The following ADGRL2 variants were observed in gnomAD, a reference collection of about 807,000 sequenced individuals.
ADGRL2 encodes calcium-independent alpha-latrotoxin receptor 2.
In ADGRL2, 44 loss-of-function variants were observed where a neutral mutation model predicts 157.4. The ratio of observed to expected loss-of-function variants is 0.28; its 90% CI spans 0.22 to 0.36. The LOEUF is 0.36. Among genes scored for constraint, ADGRL2 ranks in the 10% least tolerant of loss-of-function variants. ADGRL2 has a pLI of 1.00. For missense variants in ADGRL2, 1,510 were observed against 1,768.9 expected, an observed-to-expected ratio of 0.85 and a Z score of 2.63; for synonymous variants, 585 against 624.7, an observed-to-expected ratio of 0.94 and a Z score of 0.95.
chr1:81,798,937 T>A (rs1373205480), upstream of ADGRL2, among the ~76,000 whole-genome samples: 1 of 152,080 alleles, frequency 6.6e-6, no homozygotes, highest in East Asian at 1.9e-4. Context: ...CCCAGATGAG[T>A]GAAAACCTTC....
intron 1 of ADGRL2, among the ~76,000 whole-genome samples, chr1:81,372,376 T>C (rs1484965415): frequency 6.6e-6 from 1 of 152,172 alleles, no homozygotes; most frequent in Non-Finnish European, 1.5e-5. Context: ...TAATTGCACA[T>C]TATGTAAGGA....
At chr1:81,356,971 A>AAATAAAAAAG (rs80327519) in intron 1 of ADGRL2, among the ~76,000 whole-genome samples, 1 of 99,310 alleles carries the variant, frequency 1.0e-5, no homozygotes, top group Admixed American at 1.3e-4. Flanking sequence ...AAAAAAAAAA[A>AAATAAAAAAG]AAGAAGTTGT....
chr1:81,783,102 T>C (rs564645820), intron 2 of ADGRL2, among the ~76,000 whole-genome samples: 2 of 152,178 alleles, frequency 1.3e-5, no homozygotes, highest in African/African-American at 4.8e-5. Context: ...AGGCATACTT[T>C]GCCTGTATTC....
intron 2 of ADGRL2, among the ~76,000 whole-genome samples, chr1:81,782,070 A>T (rs1304786705): frequency 1.3e-5 from 2 of 152,184 alleles, no homozygotes; most frequent in African/African-American, 2.4e-5. Flanking sequence ...AAGCAGGGTA[A>T]CACTAAAATA....
rs1443502404 is a variant in ADGRL2, at chr1:81,502,430, G to A, written c.-248+57341G>A. 9 of 1,613,960 alleles carry A rather than the reference G, an allele frequency of 5.6e-6. No individual in the cohort carries two copies. In the Admixed American group the frequency reaches 1.5e-4, roughly 27 times the overall value. On this transcript the variant is annotated intron_variant, in intron 2 of 24. Coordinates refer to the ADGRL2 transcript ENST00000370721. ...GCTGTATGAACTGGACGGTGATCCTGAAAGGAAAGAGTTCCTGGATGACCT... is the reference window on the plus strand; with the variant it reads ...GCTGTATGAACTGGACGGTGATCCTAAAAGGAAAGAGTTCCTGGATGACCT...
In ADGRL2 at chr1:81,493,551, GT is replaced by G. The variant is rs536894652; in HGVS notation, c.-248+48464del. The stretch of plus-strand genomic sequence containing the variant: ...AGACAGTGGCTGTATGTTTCTTCCC[GT>G]TGTTGGGATATTTGGAAGGAAGGGA... On this transcript the variant is annotated intron_variant, in intron 2 of 24. Coordinates refer to the ADGRL2 transcript ENST00000370721. Among the ~76,000 whole-genome samples the G allele has an allele frequency of 1.9e-4, 29 of 152,196 alleles. 1 individual carries two copies. In the East Asian group the frequency reaches 4.8e-3, roughly 25 times the overall value.
chr1:81,335,078 G>A (rs907498759), intron 1 of ADGRL2, among the ~76,000 whole-genome samples: 2 of 152,086 alleles, frequency 1.3e-5, no homozygotes, highest in African/African-American at 2.4e-5. Context: ...TAGGTAACTT[G>A]CCCAAGGTTG....
chr1:81,355,003 C>A (rs980421771), intron 1 of ADGRL2, among the ~76,000 whole-genome samples: 1 of 152,108 alleles, frequency 6.6e-6, no homozygotes, highest in South Asian at 2.1e-4. Flanking sequence ...GAAAAAAATA[C>A]GTGCCAGGCA....
intron 3 of ADGRL2, among the ~76,000 whole-genome samples, chr1:81,919,656 A>T (rs138759473): frequency 6.6e-6 from 1 of 151,938 alleles, no homozygotes. Context: ...AATTTTTTTC[A>T]TACATTTGAT....
intron 1 of ADGRL2, among the ~76,000 whole-genome samples, chr1:81,384,638 G>A (rs962298318): frequency 8.6e-5 from 13 of 152,012 alleles, no homozygotes; most frequent in South Asian, 2.1e-4. Context: ...CCACTATCAC[G>A]ATAATTTTAT....
At chr1:81,884,136 C>T (rs1045925395) in intron 2 of ADGRL2, among the ~76,000 whole-genome samples, 1 of 151,994 alleles carries the variant, frequency 6.6e-6, no homozygotes, top group African/African-American at 2.4e-5. Flanking sequence ...TAGGCATGTG[C>T]GACAACTCCC....
intron 2 of ADGRL2, among the ~76,000 whole-genome samples, chr1:81,867,926 G>T (rs529831456): frequency 6.6e-6 from 1 of 151,900 alleles, no homozygotes; most frequent in Non-Finnish European, 1.5e-5. Flanking sequence ...GGAGCTTATA[G>T]ACTCTTTGGA....
In ADGRL2 at chr1:81,940,710, T is replaced by G. The variant is rs569707012; in HGVS notation, c.398-1324T>G. Among the ~76,000 whole-genome samples, 7 of 123,504 alleles carry G rather than the reference T, an allele frequency of 5.7e-5. No individual in the cohort carries two copies. The Admixed American group carries it at 5.8e-4, about 10-fold the overall frequency. The allele number at this position is 123,504 out of a possible 152,430, so 81.0% of individuals were successfully genotyped here. On this transcript the variant is annotated intron_variant, in intron 4 of 23. Transcript: ENST00000686636. ...ATGTGCACTACTCTGTCTGAGTACATTTTGGAAATGCAGTATTAGCAACCC... is the reference window on the plus strand; with the variant it reads ...ATGTGCACTACTCTGTCTGAGTACAGTTTGGAAATGCAGTATTAGCAACCC...
At chr1:81,480,084 T>C (rs976819266) in intron 2 of ADGRL2, among the ~76,000 whole-genome samples, 1 of 152,190 alleles carries the variant, frequency 6.6e-6, no homozygotes, top group East Asian at 1.9e-4. Flanking sequence ...AAGCCTAGTC[T>C]CTGTTATACA....
chr1:81,925,719 A>T (rs1221024577), intron 3 of ADGRL2, among the ~76,000 whole-genome samples: 1 of 151,984 alleles, frequency 6.6e-6, no homozygotes, highest in Non-Finnish European at 1.5e-5. Context: ...TTTGATTTGT[A>T]TAGGAAGTTC....
chr1:81,336,964 G>A (rs949476499), intron 1 of ADGRL2, among the ~76,000 whole-genome samples: 2 of 152,172 alleles, frequency 1.3e-5, no homozygotes, highest in Admixed American at 6.5e-5. Flanking sequence ...TGACATCAGC[G>A]AGGAGCAGCA....
intron 1 of ADGRL2, among the ~76,000 whole-genome samples, chr1:81,378,008 C>T (rs1321480483): frequency 6.6e-6 from 1 of 151,988 alleles, no homozygotes; most frequent in East Asian, 1.9e-4. Flanking sequence ...GTGAAACACT[C>T]TCTCTACTAA....
At chr1:81,418,541 G>A (rs544873485) in intron 1 of ADGRL2, among the ~76,000 whole-genome samples, 4 of 152,202 alleles carry the variant, frequency 2.6e-5, no homozygotes, top group Admixed American at 2.0e-4. Flanking sequence ...CACGAGGTCA[G>A]GAAATCAAAA....
rs561141291 is a variant in ADGRL2, at chr1:81,871,758, C to A, written c.73+34701C>A. 7.2e-4 allele frequency among the ~76,000 whole-genome samples: 110 copies of A among 152,230 alleles called. 1 individual carries two copies. The highest frequency in any genetic ancestry group is 2.6e-3 in the African/African-American group (110 of 41,544). ...CTTTTGAGAAGTGTCTGTTCATATCCTTTGCCCACTTTTTGATGGGGTTGT... is the reference window on the plus strand; with the variant it reads ...CTTTTGAGAAGTGTCTGTTCATATCATTTGCCCACTTTTTGATGGGGTTGT... On this transcript the variant is annotated intron_variant, in intron 2 of 23. Transcript: ENST00000686636.
Sources: gnomAD v4.1 joint callset for allele counts (sites outside exome capture counted in the v4.1 genomes callset) on GRCh38, gnomAD v4.1.1 for gene constraint, MANE v1.5 for transcripts, NCBI Gene and HGNC (gene_info 2026-07-23, HGNC 2026-07-21) for gene names.